Variants in RASAL2 observed in about 807,000 individuals in gnomAD.
RASAL2 encodes the protein ras GTPase-activating protein nGAP.
A neutral mutation model predicts 128.9 loss-of-function variants in RASAL2; 58 were observed. The observed-to-expected ratio is 0.45, with a 90% CI of 0.36 to 0.56. The LOEUF is 0.56. RASAL2 is among the 20% of genes least tolerant of loss of function. The pLI, the probability that RASAL2 is intolerant of heterozygous loss-of-function variation, is 0.00. For missense variants in RASAL2, 1,360 were observed against 1,601.6 expected (o/e 0.85, Z 2.57); for synonymous variants, 561 against 580.8 (o/e 0.97, Z 0.49).
intron 1 of RASAL2, among the ~76,000 whole-genome samples, chr1:178,168,446 A>T (rs1343031895): frequency 6.6e-6 from 1 of 151,596 alleles, no homozygotes; most frequent in Non-Finnish European, 1.5e-5. Context: ...TTTCTAGAGG[A>T]TTGTTTTTTG....
chr1:178,325,391 G>A (rs543722209), intron 3 of RASAL2, among the ~76,000 whole-genome samples: 1 of 152,102 alleles, frequency 6.6e-6, no homozygotes, highest in African/African-American at 2.4e-5. Context: ...TTTAATCAGA[G>A]TAGTGCCACC....
chr1:178,270,811 C>T (rs780344607), intron 1 of RASAL2, among the ~76,000 whole-genome samples: 2 of 152,008 alleles, frequency 1.3e-5, no homozygotes, highest in Non-Finnish European at 2.9e-5. Flanking sequence ...TGCTGTTTGT[C>T]GGGGGAACCC....
chr1:178,320,561 T>G (rs1668716861), intron 3 of RASAL2, among the ~76,000 whole-genome samples: 1 of 152,206 alleles, frequency 6.6e-6, no homozygotes, highest in Non-Finnish European at 1.5e-5. Flanking sequence ...ATTTTCCAGG[T>G]GCGTCCGTCA....
chr1:178,443,008 A>G lies in RASAL2; in HGVS notation c.1261A>G (p.Thr421Ala). Residue 421 changes from threonine to alanine, a missense_variant, in exon 8 of 18, where the codon ACA becomes GCA. By Grantham distance (58) the Thr-to-Ala change is moderately conservative (BLOSUM62 0). Around this residue, in one of 3 missense-constraint regions of RASAL2, gnomAD observed 617 missense variants for 714.2 expected, o/e 0.86. Coordinates refer to ENST00000367649, the MANE Select transcript of RASAL2 (RefSeq NM_170692.4). ...VEKWYPVSTPTPNKGKTGGPS... is the reference protein window; with the variant it reads ...VEKWYPVSTPAPNKGKTGGPS... ...AAAGTGGTATCCAGTGAGTACACCT[A>G]CACCCAACAAAGGAAAGACAGGAGG... The G allele has an allele frequency of 6.2e-7, 1 of 1,614,086 alleles. No individual in the cohort carries two copies. Among genetic ancestry groups the G allele is most frequent in the East Asian group, 2.2e-5 (1 of 44,868 alleles).
At chr1:178,195,681 G>A (rs757294488) in intron 1 of RASAL2, among the ~76,000 whole-genome samples, 3 of 151,864 alleles carry the variant, frequency 2.0e-5, no homozygotes, top group African/African-American at 4.8e-5. Context: ...TTTTCGTCTC[G>A]AAAATACTGC....
chr1:178,424,935 A>G lies in RASAL2; in HGVS notation c.674+4315A>G, dbSNP rs989473953. On this transcript the variant is annotated intron_variant, in intron 5 of 17. Coordinates refer to ENST00000367649, the MANE Select transcript of RASAL2 (RefSeq NM_170692.4). ...CAAATGTATTGATATACAGTAACAC[A>G]CTCAATATGTGACAGTTATGTACAA... Among the ~76,000 whole-genome samples, 5 of 152,186 alleles carry G rather than the reference A, an allele frequency of 3.3e-5. No individual in the cohort carries two copies. The South Asian group carries it at 1.0e-3, about 31-fold the overall frequency.
chr1:178,094,723 G>C (rs370146790), intron 1 of RASAL2, 29 bp downstream of exon 1: 4 of 1,611,222 alleles, frequency 2.5e-6, no homozygotes, highest in Non-Finnish European at 3.4e-6. Flanking sequence ...CTTAGAGGCT[G>C]GTGTTTCCTA....
At chr1:178,463,717 T>C (rs1301319662) in intron 14 of RASAL2, among the ~76,000 whole-genome samples, 1 of 152,112 alleles carries the variant, frequency 6.6e-6, no homozygotes, top group African/African-American at 2.4e-5. Flanking sequence ...CAAAAGTAAT[T>C]GCAGGTTTTG....
At chr1:178,184,727 G>A (rs1475384147) in intron 1 of RASAL2, among the ~76,000 whole-genome samples, 2 of 152,004 alleles carry the variant, frequency 1.3e-5, no homozygotes, top group East Asian at 1.9e-4. Context: ...TAGCTTTGTA[G>A]TAGGTCTTAA....
intron 1 of RASAL2, among the ~76,000 whole-genome samples, chr1:178,247,464 C>T (rs1378639336): frequency 6.6e-6 from 1 of 151,678 alleles, no homozygotes; most frequent in East Asian, 1.9e-4. Flanking sequence ...TGATTCTTCT[C>T]TCTTATTAGT....
chr1:178,248,870 A>C (rs1664909912), intron 1 of RASAL2, among the ~76,000 whole-genome samples: 1 of 151,742 alleles, frequency 6.6e-6, no homozygotes, highest in Admixed American at 6.6e-5. Flanking sequence ...ATTGGCCCCC[A>C]CTCTCTTCTG....
chr1:178,146,518 A>G (rs539176719), intron 1 of RASAL2, among the ~76,000 whole-genome samples: 7 of 152,382 alleles, frequency 4.6e-5, no homozygotes, highest in African/African-American at 1.7e-4. Flanking sequence ...GCGTGTAATC[A>G]TGCTGTTTTC....
intron 1 of RASAL2, among the ~76,000 whole-genome samples, chr1:178,144,563 G>A (rs1039890229): frequency 6.6e-6 from 1 of 152,184 alleles, no homozygotes; most frequent in Non-Finnish European, 1.5e-5. Flanking sequence ...TTGAGAAGCA[G>A]TGAGTTAATT....
At chr1:178,433,403 T>A (rs1486076384) in intron 5 of RASAL2, among the ~76,000 whole-genome samples, 6 of 152,140 alleles carry the variant, frequency 3.9e-5, no homozygotes, top group Non-Finnish European at 7.4e-5. Flanking sequence ...TAATGGATTG[T>A]TAACTCACTA....
chr1:178,129,663 G>A (rs1419239816), intron 1 of RASAL2, among the ~76,000 whole-genome samples: 2 of 151,752 alleles, frequency 1.3e-5, no homozygotes, highest in African/African-American at 4.8e-5. Context: ...CAGCTTAATT[G>A]AAGGTCATGA....
chr1:178,108,194 A>C (rs1388490792), intron 1 of RASAL2, among the ~76,000 whole-genome samples: 1 of 152,192 alleles, frequency 6.6e-6, no homozygotes, highest in African/African-American at 2.4e-5. Flanking sequence ...TATTTACATA[A>C]TGATTAATGA....
chr1:178,343,902 T>A (rs1670010745), intron 3 of RASAL2, among the ~76,000 whole-genome samples: 1 of 152,128 alleles, frequency 6.6e-6, no homozygotes, highest in Non-Finnish European at 1.5e-5. Flanking sequence ...TGGGATTCAT[T>A]TGATAATTTA....
At chr1:178,310,007 G>A (rs537738488) in intron 3 of RASAL2, among the ~76,000 whole-genome samples, 6 of 152,256 alleles carry the variant, frequency 3.9e-5, no homozygotes, top group African/African-American at 1.2e-4. Flanking sequence ...TATTCAACAT[G>A]GCTTGGTGAG....
chr1:178,136,756 CAAAAAAAAAAAAAA>C lies in RASAL2; in HGVS notation c.202+42079_202+42092del, dbSNP rs397982072. 6.5e-3 allele frequency among the ~76,000 whole-genome samples: 308 copies of C among 47,246 alleles called. 3 individuals are homozygous for C. The highest frequency in any genetic ancestry group is 0.028 in the African/African-American group (273 of 9,830). 31.0% of individuals were successfully genotyped at this position (47,246 alleles called of 152,430 possible). ...TAGGTGACAAAGTGAGACTCTGTCTCAAAAAAAAAAAAAAAAAAAAAAAAAAAAAAGATGAAAAG... is the reference window on the plus strand; with the variant it reads ...TAGGTGACAAAGTGAGACTCTGTCTCAAAAAAAAAAAAAAAAGATGAAAAG... On this transcript the variant is annotated intron_variant, in intron 1 of 17. Transcript: ENST00000367649.
Sources: gnomAD v4.1 joint callset for allele counts (sites outside exome capture counted in the v4.1 genomes callset) on GRCh38, gnomAD v4.1.1 for gene constraint, gnomAD v4.1.1 regional missense constraint, MANE v1.5 for transcripts, NCBI Gene and HGNC (gene_info 2026-07-23, HGNC 2026-07-21) for gene names.